ASL: variants seen among roughly 807,000 people sequenced by gnomAD.
ASL encodes argininosuccinate lyase.
In ASL, 51 loss-of-function variants were observed where a neutral mutation model predicts 69.1. The ratio of observed to expected loss-of-function variants is 0.74; its 90% CI spans 0.59 to 0.93. ASL has a LOEUF of 0.93. ASL is among the 40% of genes least tolerant of loss of function. ASL has a pLI of 0.00. For missense variants in ASL, 540 were observed against 623.9 expected (o/e 0.87, Z 1.43); for synonymous variants, 241 against 247.6 (o/e 0.97, Z 0.25).
rs1786599737 is a variant in ASL, at chr7:66,084,398, G to A, written c.446+1224G>A. ...GCTGGTCTTGAACTCCTGAGCTCAG[G>A]TGATCTGCCCGCGTCGGCCTGCCAA... On this transcript the variant is annotated intron_variant, in intron 6 of 16. Transcript: ENST00000304874. 2.6e-5 allele frequency among the ~76,000 whole-genome samples: 4 copies of A among 152,048 alleles called. No individual in the cohort carries two copies. The South Asian group carries it at 8.3e-4, about 32-fold the overall frequency.
intron 6 of ASL, 26 bp downstream of exon 6, chr7:66,083,200 G>A (rs1786562865): frequency 6.2e-7 from 1 of 1,608,748 alleles, no homozygotes; most frequent in Admixed American, 1.7e-5. Context: ...ACACCCAGGG[G>A]GCAGACAGAG....
Position 66,092,769 on chromosome 7 carries a change from C to T in ASL, c.1252C>T (p.Pro418Ser), listed in dbSNP as rs1394618600. Residue 418 changes from proline to serine, a missense_variant and splice_region_variant, in exon 17 of 17, where the codon CCC becomes TCC. Transcript: ENST00000304874. Reference sequence around the variant, plus strand: ...GCCCACCTCTTCCTCTCTCCCCAGCCCCCTGTTCTCGGGCGACGTGATCTG... The same window carrying T: ...GCCCACCTCTTCCTCTCTCCCCAGCTCCCTGTTCTCGGGCGACGTGATCTG... ...LSLQELQTIS[P>S]LFSGDVICVW... is the part of the protein sequence containing the mutation. 1.2e-6 allele frequency: 2 copies of T among 1,613,760 alleles called. No homozygotes were observed. The highest frequency in any genetic ancestry group is 1.7e-6 in the Non-Finnish European group (2 of 1,179,984).
In ASL at chr7:66,082,747, C is replaced by A. The variant is rs137955991; in HGVS notation, c.292-133C>A. 3.4e-5 allele frequency: 38 copies of A among 1,108,522 alleles called. No individual in the cohort carries two copies. In the East Asian group the frequency reaches 9.7e-4, roughly 28 times the overall value. 68.7% of individuals were successfully genotyped at this position (1,108,522 alleles called of 1,614,324 possible). A position where few individuals can be genotyped will look rare whatever the true frequency, so the allele number is the denominator to read the frequency against. On this transcript the variant is annotated intron_variant, in intron 4 of 16. Coordinates refer to ENST00000304874, the MANE Select transcript of ASL (RefSeq NM_000048.4). ...AAAGAACAGGCCTCAGCAGAAATGG[C>A]GAGAGATTTGGGGAGGACCCGGAGC... is the stretch of plus-strand genomic sequence containing the variant.
intron 3 of ASL, 25 bp from the exon 4 acceptor site, chr7:66,082,343 C>A (rs1397803871): frequency 1.2e-6 from 2 of 1,600,940 alleles, no homozygotes; most frequent in South Asian, 1.1e-5. Context: ...TCACCTGACC[C>A]CGGCATTGCT....
rs370250705 is a variant in ASL at position 66,089,434 on chromosome 7, T to C, written c.978+99T>C. On this transcript the variant is annotated intron_variant, in intron 13 of 16. Transcript: ENST00000304874. ...CCCGGGATTGCCATACATCCTCCCA[T>C]CCTGTGCACACAGCTCCATCCGTGG... 3.9e-3 allele frequency: 5,753 copies of C among 1,494,216 alleles called. 251 individuals carry two copies. In the South Asian group the frequency reaches 0.065, roughly 17 times the overall value. The allele number at this position is 1,494,216 out of a possible 1,614,324, so 92.6% of individuals were successfully genotyped here.
chr7:66,089,463 C>A, intron 13 of ASL, 128 bp downstream of exon 13: 1 of 1,437,456 alleles, frequency 7.0e-7, no homozygotes, highest in Non-Finnish European at 9.6e-7. Flanking sequence ...TCCGTGGCTG[C>A]CCTTGAACTC....
At chr7:66,089,518 G>A in intron 13 of ASL, 94 bp from the exon 14 acceptor site, 2 of 1,491,690 alleles carry the variant, frequency 1.3e-6, no homozygotes, top group Non-Finnish European at 1.9e-6. Context: ...TCCCATGGAA[G>A]GCAGTGGGGA....
chr7:66,077,583 G>A (rs1039163810), intron 2 of ASL, among the ~76,000 whole-genome samples: 1 of 151,940 alleles, frequency 6.6e-6, no homozygotes, highest in Non-Finnish European at 1.5e-5. Context: ...GCAAAAATTA[G>A]CTGGGTGTAG....
chr7:66,087,231 T>C (rs1786690367), intron 8 of ASL, 103 bp from the exon 9 acceptor site: 11 of 1,393,538 alleles, frequency 7.9e-6, no homozygotes, highest in Non-Finnish European at 1.1e-5. Context: ...CTTGGTTCTC[T>C]GTGTGTGCGT....
intron 3 of ASL, 65 bp downstream of exon 3, chr7:66,082,062 C>T (rs1356706539): frequency 1.8e-5 from 28 of 1,542,956 alleles, no homozygotes; most frequent in Non-Finnish European, 2.4e-5. Context: ...CCCACCAAAT[C>T]CCTGAGCAAA....
At chr7:66,084,986 G>A (rs975556827) in intron 6 of ASL, among the ~76,000 whole-genome samples, 1 of 151,836 alleles carries the variant, frequency 6.6e-6, no homozygotes, top group African/African-American at 2.4e-5. Flanking sequence ...TCAAACTCCC[G>A]GCCTTAAGTG....
intron 2 of ASL, among the ~76,000 whole-genome samples, chr7:66,081,423 T>C (rs1008722979): frequency 1.4e-4 from 21 of 151,912 alleles, no homozygotes; most frequent in African/African-American, 4.8e-4. Context: ...CTACTAATGA[T>C]ACAAAAATTA....
intron 8 of ASL, 97 bp downstream of exon 8, chr7:66,086,918 A>AC (rs371538463): frequency 7.1e-7 from 1 of 1,399,644 alleles, no homozygotes; most frequent in Admixed American, 2.0e-5. Context: ...GGGACAGAAA[A>AC]CCGCCTTATC....
intron 2 of ASL, among the ~76,000 whole-genome samples, chr7:66,077,751 A>G (rs1480366901): frequency 6.6e-6 from 1 of 152,140 alleles, no homozygotes; most frequent in East Asian, 1.9e-4. Flanking sequence ...AAAACCCACA[A>G]GTCCCAAAAC....
In ASL at chr7:66,092,187, C is replaced by A; in HGVS notation, c.1143+101C>A. On this transcript the variant is annotated intron_variant, in intron 15 of 16. Transcript: ENST00000304874. ...GTGCAAGCGGCCCAGCCTGGTGGCT[C>A]ACCCCTGTAATCCCAGCACTTTGGG... The A allele has an allele frequency of 2.8e-6, 4 of 1,403,552 alleles. No individual in the cohort carries two copies. In the Admixed American group the frequency reaches 5.2e-5, roughly 18 times the overall value. The allele number at this position is 1,403,552 out of a possible 1,614,324, so 86.9% of individuals were successfully genotyped here. A position where few individuals can be genotyped will look rare whatever the true frequency, so the allele number is the denominator to read the frequency against.
intron 5 of ASL, 64 bp downstream of exon 5, chr7:66,083,000 T>C: frequency 5.0e-6 from 8 of 1,610,956 alleles, no homozygotes; most frequent in African/African-American, 1.3e-5. Context: ...AGGGGGCAGT[T>C]AGAGTTCTGC....
At chr7:66,091,724 A>T in intron 14 of ASL, 2 of 457,026 alleles carry the variant, frequency 4.4e-6, no homozygotes, top group Non-Finnish European at 8.1e-6. Flanking sequence ...CTCCTAAAAC[A>T]GAAAACAAAT....
In ASL at chr7:66,092,612, C is replaced by A. The variant is rs1256346548; in HGVS notation, c.1199C>A (p.Thr400Asn). The A allele has an allele frequency of 6.2e-7, 1 of 1,613,196 alleles. No homozygotes were observed. Residue 400 changes from threonine to asparagine, a missense_variant, in exon 16 of 17, where the codon ACC becomes AAC. Transcript: ENST00000304874. ...ASGKAVFMAE[T>N]KGVALNQLSL... Reference sequence around the variant, plus strand: ...GGGAAAGCTGTGTTCATGGCCGAGACCAAGGGGGTCGCCCTCAACCAGCTG... The same window carrying A: ...GGGAAAGCTGTGTTCATGGCCGAGAACAAGGGGGTCGCCCTCAACCAGCTG...
rs755188796 is a variant in ASL at position 66,092,759 on chromosome 7, T to C, written c.1251-9T>C. The C allele has an allele frequency of 6.2e-7, 1 of 1,613,278 alleles. No homozygotes were observed. Among genetic ancestry groups the C allele is most frequent in the South Asian group, 1.1e-5 (1 of 91,032 alleles). On this transcript the variant is annotated splice_polypyrimidine_tract_variant and intron_variant, in intron 16 of 16. Transcript: ENST00000304874. ...TGGCGCCCTGGCCCACCTCTTCCTCTCTCCCCAGCCCCCTGTTCTCGGGCG... is the reference window on the plus strand; with the variant it reads ...TGGCGCCCTGGCCCACCTCTTCCTCCCTCCCCAGCCCCCTGTTCTCGGGCG...
Sources: gnomAD v4.1 joint callset for allele counts (sites outside exome capture counted in the v4.1 genomes callset) on GRCh38, gnomAD v4.1.1 for gene constraint, MANE v1.5 for transcripts, NCBI Gene and HGNC (gene_info 2026-07-23, HGNC 2026-07-21) for gene names.